SLC12A1: variants seen among roughly 807,000 people sequenced by gnomAD.
SLC12A1 encodes the protein Na-K-2Cl cotransporter.
In SLC12A1, 89 loss-of-function variants were observed where a neutral mutation model predicts 130.4. The observed-to-expected ratio is 0.68, with a 90% CI of 0.58 to 0.81. SLC12A1 has a LOEUF of 0.81. SLC12A1 is among the 40% of genes least tolerant of loss of function. The probability of loss-of-function intolerance (pLI) is 0.00; values close to 1 mark genes in which losing one functional copy is unlikely to be tolerated. For synonymous variants in SLC12A1, 499 were observed against 460.0 expected (o/e 1.08, Z -1.09); for missense variants, 1,310 against 1,336.4 (o/e 0.98, Z 0.31).
chr15:48,260,259 C>CATAATAATA (rs199909192), intron 17 of SLC12A1, among the ~76,000 whole-genome samples: 3 of 145,968 alleles, frequency 2.1e-5, no homozygotes, highest in East Asian at 4.0e-4. Context: ...AGCAAGACTC[C>CATAATAATA]ATAATAATAA....
At chr15:48,269,936 GT>G (rs1205998347) in intron 19 of SLC12A1, among the ~76,000 whole-genome samples, 172 bp downstream of exon 19, 1 of 152,158 alleles carries the variant, frequency 6.6e-6, no homozygotes, top group African/African-American at 2.4e-5. Flanking sequence ...CAATAATAGA[GT>G]TTGAGGGAAT....
intron 16 of SLC12A1, among the ~76,000 whole-genome samples, chr15:48,256,834 A>AC (rs1459336900): frequency 3.3e-3 from 27 of 8,218 alleles, no homozygotes; most frequent in African/African-American, 8.1e-3. Flanking sequence ...CCCCCCCCCC[A>AC]AATTTCTTGT....
In SLC12A1 at chr15:48,248,200, C is replaced by A. The variant is rs531526800; in HGVS notation, c.1684+740C>A. On this transcript the variant is annotated intron_variant, in intron 13 of 26. Transcript: ENST00000380993. The stretch of plus-strand genomic sequence containing the variant: ...CAGAGACTTCCTCAGCACAGCAGTG[C>A]CAAGCAATGAGGGCTCCTCATCATT... 1.8e-4 allele frequency among the ~76,000 whole-genome samples: 27 copies of A among 152,274 alleles called. 1 individual carries two copies. Among genetic ancestry groups the A allele is most frequent in the South Asian group, 1.7e-3 (8 of 4,824 alleles).
chr15:48,278,913 C>T (rs1324382128), intron 20 of SLC12A1, among the ~76,000 whole-genome samples: 1 of 152,178 alleles, frequency 6.6e-6, no homozygotes, highest in Non-Finnish European at 1.5e-5. Context: ...CAATATTTCT[C>T]AAATAATCCT....
At chr15:48,260,375 CACACA>C (rs1460721939) in intron 17 of SLC12A1, among the ~76,000 whole-genome samples, 2 of 151,572 alleles carry the variant, frequency 1.3e-5, no homozygotes, top group African/African-American at 4.8e-5. Flanking sequence ...CACACACACA[CACACA>C]CACCACTGAA....
At chr15:48,267,966 T>C (rs117115624) in intron 18 of SLC12A1, among the ~76,000 whole-genome samples, 138 of 152,306 alleles carry the variant, frequency 9.1e-4, no homozygotes, top group Non-Finnish European at 1.6e-3. Context: ...CCCCCGTACT[T>C]ATTGAAATGC....
At chr15:48,225,396 C>T (rs1200704781) in intron 4 of SLC12A1, 1 of 152,042 alleles carries the variant, frequency 6.6e-6, no homozygotes, top group Non-Finnish European at 1.5e-5. Context: ...GAATTGTAGG[C>T]CAATTATCAT....
chr15:48,287,985 G>A lies in SLC12A1; in HGVS notation c.2630-58G>A, dbSNP rs2042077093. The A allele has an allele frequency of 2.6e-6, 4 of 1,567,140 alleles. No homozygotes were observed. In the South Asian group the frequency reaches 4.8e-5, roughly 19 times the overall value. ...TTTTCATCACTAGATTGATTGGAAA[G>A]TTATTTTGTTTCTGCCCTCAAAAGC... On this transcript the variant is annotated intron_variant, in intron 21 of 26. Coordinates refer to ENST00000380993, the MANE Select transcript of SLC12A1 (RefSeq NM_000338.3).
At chr15:48,288,639 G>C in intron 23 of SLC12A1, 123 bp downstream of exon 23, 1 of 579,824 alleles carries the variant, frequency 1.7e-6, no homozygotes, top group South Asian at 2.5e-5. Context: ...ACCAGGATAG[G>C]CCTCGTGTTT....
intron 24 of SLC12A1, among the ~76,000 whole-genome samples, chr15:48,295,955 G>A (rs1036987063): frequency 3.9e-5 from 6 of 152,162 alleles, no homozygotes; most frequent in South Asian, 2.1e-4. Context: ...CTAGTAGCGC[G>A]TCTGGCACAT....
chr15:48,220,945 G>C lies in SLC12A1; in HGVS notation c.577G>C (p.Gly193Arg). The change falls in exon 4 of 27, where the codon GGA becomes CGA. Residue 193 changes from glycine (G) to arginine (R), a missense_variant. Gly to Arg is a moderately radical substitution (Grantham distance 125, BLOSUM62 -2). Transcript: ENST00000380993. ...GGTAAGATGCATGCTGAACATCTGG[G>C]GAGTCATGCTCTTCATTCGCCTCTC... ...VLVRCMLNIW[G>R]VMLFIRLSWI... The C allele has an allele frequency of 6.2e-7, 1 of 1,613,948 alleles. No homozygotes were observed. The highest frequency in any genetic ancestry group is 8.5e-7 in the Non-Finnish European group (1 of 1,179,892).
chr15:48,234,824 C>A, intron 8 of SLC12A1, 53 bp from the exon 9 acceptor site: 1 of 1,569,974 alleles, frequency 6.4e-7, no homozygotes, highest in Non-Finnish European at 8.8e-7. Flanking sequence ...AACTTAATCT[C>A]CTGTACTGTG....
At chr15:48,289,096 T>TA (rs112086075) in intron 23 of SLC12A1, among the ~76,000 whole-genome samples, 37,167 of 146,104 alleles carry the variant, frequency 0.25, 5,317 homozygotes, top group African/African-American at 0.41. Context: ...AACTCTTAAT[T>TA]AAAAAAAAAA....
intron 16 of SLC12A1, among the ~76,000 whole-genome samples, chr15:48,256,831 C>CT (rs1555384128): frequency 6.8e-6 from 1 of 147,970 alleles, no homozygotes; most frequent in Non-Finnish European, 1.5e-5. Flanking sequence ...GGCCCCCCCC[C>CT]CCAAATTTCT....
Position 48,291,763 on chromosome 15 carries a change from C to A in SLC12A1, c.2874-15C>A. On this transcript the variant is annotated splice_polypyrimidine_tract_variant and intron_variant, in intron 23 of 26. Coordinates refer to ENST00000380993, the MANE Select transcript of SLC12A1 (RefSeq NM_000338.3). ...AAATATGCAATGATGAAGTATTTTCCTTTTATATTTTCAGAATGGCTTCCC... is the reference window on the plus strand; with the variant it reads ...AAATATGCAATGATGAAGTATTTTCATTTTATATTTTCAGAATGGCTTCCC... 1 of 1,500,938 alleles carries A rather than the reference C, an allele frequency of 6.7e-7. No individual in the cohort carries two copies. Among genetic ancestry groups the A allele is most frequent in the Non-Finnish European group, 9.1e-7 (1 of 1,101,374 alleles). 93.0% of individuals were successfully genotyped at this position (1,500,938 alleles called of 1,614,324 possible). A position where few individuals can be genotyped will look rare whatever the true frequency, so the allele number is the denominator to read the frequency against.
rs1567317066 is a variant in SLC12A1 at position 48,240,074 on chromosome 15, T to TATCC, written c.1216-1439_1216-1438insCCAT. ...CCATATATATATATATATATATCCATATATATATATATATATCCATATATA... is the reference window on the plus strand; with the variant it reads ...CCATATATATATATATATATATCCATATCCATATATATATATATATCCATATATA... On this transcript the variant is annotated intron_variant, in intron 9 of 26. Coordinates refer to ENST00000380993, the MANE Select transcript of SLC12A1 (RefSeq NM_000338.3). 1.0e-4 allele frequency among the ~76,000 whole-genome samples: 8 copies of TATCC among 77,930 alleles called. 1 individual carries two copies. The East Asian group carries it at 1.9e-3, about 19-fold the overall frequency. The allele number at this position is 77,930 out of a possible 152,430, so 51.1% of individuals were successfully genotyped here. A position where few individuals can be genotyped will look rare whatever the true frequency, so the allele number is the denominator to read the frequency against.
At chr15:48,237,040 G>T (rs1444815345) in intron 9 of SLC12A1, 1 of 702,382 alleles carries the variant, frequency 1.4e-6, no homozygotes, top group African/African-American at 1.7e-5. Context: ...AGAGTCGAAG[G>T]AGGAGACAGA....
chr15:48,207,224 A>G (rs1479732692), intron 1 of SLC12A1, among the ~76,000 whole-genome samples: 7 of 152,172 alleles, frequency 4.6e-5, no homozygotes, highest in Non-Finnish European at 1.0e-4. Flanking sequence ...CTCTTACTGT[A>G]TTCAATAAGT....
At chr15:48,221,064 A>T in intron 4 of SLC12A1, 68 bp downstream of exon 4, 1 of 1,341,914 alleles carries the variant, frequency 7.5e-7, no homozygotes. Context: ...ATCTTTTTTC[A>T]CCATTAATAC....
Sources: allele counts gnomAD v4.1 joint callset (sites outside exome capture counted in the v4.1 genomes callset), GRCh38; gene constraint gnomAD v4.1.1; transcripts MANE v1.5; gene names NCBI Gene and HGNC (gene_info 2026-07-23, HGNC 2026-07-21).